Variants in TANC2 observed in about 807,000 individuals in gnomAD.
TANC2 encodes the protein protein TANC2.
TANC2 carries 26 observed loss-of-function variants against 210.5 expected under a neutral mutation model. That is an observed-to-expected ratio of 0.12 (90% CI 0.09 to 0.17). TANC2 has a LOEUF of 0.17. Ranked by LOEUF, TANC2 falls within the 10% of genes least tolerant of loss-of-function variation. The pLI is 1.00. For missense variants in TANC2, 2,129 were observed against 2,608.9 expected (o/e 0.82, Z 4.01); for synonymous variants, 931 against 967.1 (o/e 0.96, Z 0.69).
intron 7 of TANC2, among the ~76,000 whole-genome samples, chr17:63,216,188 A>G (rs1479834754): frequency 6.6e-6 from 1 of 152,158 alleles, no homozygotes. Context: ...AGCTGGGATC[A>G]CAGGCACGTG....
chr17:63,310,916 ATT>A (rs2045104448), intron 9 of TANC2, among the ~76,000 whole-genome samples: 1 of 152,162 alleles, frequency 6.6e-6, no homozygotes, highest in African/African-American at 2.4e-5. Flanking sequence ...CACTTCTAGC[ATT>A]TTGTTTCAAG....
chr17:63,188,732 A>C (rs1598566568), intron 5 of TANC2, among the ~76,000 whole-genome samples: 1 of 152,148 alleles, frequency 6.6e-6, no homozygotes, highest in South Asian at 2.1e-4. Flanking sequence ...ACATGGTTCT[A>C]TCTGTACTGT....
In TANC2 at chr17:63,231,527, T is replaced by G. The variant is rs187653335; in HGVS notation, c.770-6287T>G. ...TCTCCTTCGCTTATGAAGCTTAGTT[T>G]GGCCACATATGAACTTCTGGATTGG... is the stretch of plus-strand genomic sequence containing the variant. On this transcript the variant is annotated intron_variant, in intron 7 of 27. Transcript: ENST00000689528. 4.7e-4 allele frequency among the ~76,000 whole-genome samples: 71 copies of G among 152,366 alleles called. No individual in the cohort carries two copies. In the Middle Eastern group the frequency reaches 0.014, roughly 29 times the overall value.
At position 63,237,310 on chromosome 17, in the gene TANC2, T is replaced by C. The variant is rs368685982; in HGVS notation, c.770-504T>C. 1.4e-4 allele frequency among the ~76,000 whole-genome samples: 21 copies of C among 152,226 alleles called. No homozygotes were observed. The East Asian group carries it at 3.9e-3, about 28-fold the overall frequency. ...TTTATGTCCTTTGCTTACTTTTTAA[T>C]GGGATTATTTGTGAAGTTTTTGTTG... On this transcript the variant is annotated intron_variant, in intron 7 of 27. Coordinates refer to ENST00000689528, the Ensembl canonical transcript of TANC2.
intron 5 of TANC2, among the ~76,000 whole-genome samples, chr17:63,186,350 CTTTTTTTTTT>C (rs11314991): frequency 8.7e-6 from 1 of 114,386 alleles, no homozygotes; most frequent in Non-Finnish European, 1.7e-5. Flanking sequence ...CTCTCTCTCT[CTTTTTTTTTT>C]TTTTTTTTTG....
At chr17:63,053,244 T>G (rs914414710) in intron 2 of TANC2, among the ~76,000 whole-genome samples, 2 of 152,234 alleles carry the variant, frequency 1.3e-5, no homozygotes, top group African/African-American at 4.8e-5. Flanking sequence ...TAGTGAGAGA[T>G]AAAACCTTTT....
At chr17:63,230,786 C>G (rs568377711) in intron 7 of TANC2, among the ~76,000 whole-genome samples, 8 of 152,326 alleles carry the variant, frequency 5.3e-5, no homozygotes, top group African/African-American at 1.9e-4. Flanking sequence ...ATCAGATCCA[C>G]TTTATCCAGA....
At chr17:63,102,869 C>T (rs1464785603) in intron 4 of TANC2, among the ~76,000 whole-genome samples, 1 of 152,112 alleles carries the variant, frequency 6.6e-6, no homozygotes, top group Admixed American at 6.5e-5. Flanking sequence ...CTTAAAAAAA[C>T]CATCTGTACT....
intron 9 of TANC2, among the ~76,000 whole-genome samples, chr17:63,292,312 G>A (rs995230214): frequency 3.9e-5 from 6 of 152,110 alleles, no homozygotes; most frequent in African/African-American, 1.4e-4. Flanking sequence ...ATATCAGGAG[G>A]AGAAGACAAG....
chr17:63,047,831 A>T (rs1289640538), intron 2 of TANC2, among the ~76,000 whole-genome samples: 1 of 152,214 alleles, frequency 6.6e-6, no homozygotes, highest in Non-Finnish European at 1.5e-5. Flanking sequence ...AATGAATTTT[A>T]TGTGGCAACT....
intron 21 of TANC2, among the ~76,000 whole-genome samples, chr17:63,408,395 G>A (rs1037464766): frequency 6.6e-6 from 1 of 152,162 alleles, no homozygotes; most frequent in Admixed American, 6.5e-5. Flanking sequence ...ACATATTATG[G>A]ATTTGTTTCA....
chr17:63,249,951 T>C (rs976042533), intron 8 of TANC2, among the ~76,000 whole-genome samples: 1 of 152,084 alleles, frequency 6.6e-6, no homozygotes, highest in Non-Finnish European at 1.5e-5. Context: ...CTCTAAAATG[T>C]TGTATACCAA....
At chr17:63,318,113 T>C (rs1206280249) in intron 10 of TANC2, among the ~76,000 whole-genome samples, 2 of 152,196 alleles carry the variant, frequency 1.3e-5, no homozygotes, top group South Asian at 2.1e-4. Flanking sequence ...CTAAATTCAC[T>C]CCTACTGGTA....
chr17:63,171,651 A>G (rs1315491181), intron 5 of TANC2, among the ~76,000 whole-genome samples: 1 of 152,222 alleles, frequency 6.6e-6, no homozygotes, highest in East Asian at 1.9e-4. Flanking sequence ...GTTGCAAACC[A>G]ATTTTGAAAG....
At chr17:63,360,787 C>T (rs532328060) in intron 14 of TANC2, among the ~76,000 whole-genome samples, 1 of 150,066 alleles carries the variant, frequency 6.7e-6, no homozygotes, top group East Asian at 1.9e-4. Flanking sequence ...ACCAACCCCT[C>T]CCCAGTCCTG....
At chr17:63,323,508 T>C (rs2045558922) in intron 11 of TANC2, among the ~76,000 whole-genome samples, 1 of 152,218 alleles carries the variant, frequency 6.6e-6, no homozygotes, top group South Asian at 2.1e-4. Flanking sequence ...TCAGGGCCTT[T>C]CCTGGATATG....
At chr17:63,289,070 C>T (rs1219153403) in intron 9 of TANC2, among the ~76,000 whole-genome samples, 1 of 152,076 alleles carries the variant, frequency 6.6e-6, no homozygotes, top group Non-Finnish European at 1.5e-5. Context: ...TATCTTTGTT[C>T]CTCTATAGAT....
rs1192073548 is a variant in TANC2, at chr17:63,314,328, C to T, written c.1160-60C>T. 1.4e-5 allele frequency: 22 copies of T among 1,578,872 alleles called. No individual in the cohort carries two copies. The Admixed American group carries it at 2.1e-4, about 15-fold the overall frequency. The stretch of plus-strand genomic sequence containing the variant: ...CTAAACCACACTGCATTTTTTCTCT[C>T]TTTGTTTCTCTCAATGTTGACAGTT... On this transcript the variant is annotated intron_variant, in intron 9 of 27. Coordinates refer to ENST00000689528, the Ensembl canonical transcript of TANC2.
At chr17:63,361,428 G>T (rs867748420) in intron 14 of TANC2, among the ~76,000 whole-genome samples, 1 of 152,228 alleles carries the variant, frequency 6.6e-6, no homozygotes, top group Admixed American at 6.5e-5. Context: ...AACCAGGCAC[G>T]CTGGCTGCTG....
Sources: gnomAD v4.1 joint callset for allele counts (sites outside exome capture counted in the v4.1 genomes callset) on GRCh38, gnomAD v4.1.1 for gene constraint, MANE v1.5 for transcripts, NCBI Gene and HGNC (gene_info 2026-07-23, HGNC 2026-07-21) for gene names.